Variants in CREB3L2 observed in about 807,000 individuals in gnomAD.
CREB3L2 encodes the protein cAMP responsive element binding protein 3 like 2.
A neutral mutation model predicts 57.2 loss-of-function variants in CREB3L2; 23 were observed. The ratio of observed to expected loss-of-function variants is 0.40; its 90% CI spans 0.29 to 0.57. The LOEUF (loss-of-function observed/expected upper bound fraction) is 0.57. Among genes scored for constraint, CREB3L2 ranks in the 20% least tolerant of loss-of-function variants. The probability of loss-of-function intolerance (pLI) is 0.42; values close to 1 mark genes in which losing one functional copy is unlikely to be tolerated. For missense variants in CREB3L2, 628 were observed against 634.7 expected, an observed-to-expected ratio of 0.99 and a Z score of 0.11; for synonymous variants, 268 against 265.1, an observed-to-expected ratio of 1.01 and a Z score of -0.11.
intron 2 of CREB3L2, among the ~76,000 whole-genome samples, chr7:137,918,654 T>G (rs1191434248): frequency 6.6e-6 from 1 of 151,910 alleles, no homozygotes. Context: ...CAGGAAATTG[T>G]GAGATAAGGC....
Position 137,875,233 on chromosome 7 carries a change from C to A in CREB3L2, c.*5243G>T. On this transcript the variant is annotated 3_prime_UTR_variant, in exon 12 of 12. Coordinates refer to ENST00000330387, the MANE Select transcript of CREB3L2 (RefSeq NM_194071.4). The stretch of plus-strand genomic sequence containing the variant: ...TGTTACAAAAGAGAGCAAAACCTAA[C>A]TGTCAGCATAGACATTAAAGCTCAC... 4.6e-6 allele frequency: 1 copy of A among 217,626 alleles called. No homozygotes were observed. Among genetic ancestry groups the A allele is most frequent in the Non-Finnish European group, 9.3e-6 (1 of 107,936 alleles). The allele number at this position is 217,626 out of a possible 1,614,324, so 13.5% of individuals were successfully genotyped here. A position where few individuals can be genotyped will look rare whatever the true frequency, so the allele number is the denominator to read the frequency against.
At position 137,880,513 on chromosome 7, in the gene CREB3L2, A is replaced by G. The variant is rs1420943108; in HGVS notation, c.1526T>C (p.Val509Ala). 3 of 1,613,794 alleles carry G rather than the reference A, an allele frequency of 1.9e-6. No homozygotes were observed. The Admixed American group carries it at 5.0e-5, about 27-fold the overall frequency. ...GTTCACTCTTCTGTCGAGTTCTACA[A>G]CTTTTAGTGTTTCATTCCCCTCCAG... ...AKLEGNETLK[V>A]VELDRRVNTT... Residue 509 changes from valine (V) to alanine (A), a missense_variant, in exon 12 of 12, where the codon GTT becomes GCT. Val to Ala is a moderately conservative substitution (Grantham distance 64). Coordinates refer to ENST00000330387, the MANE Select transcript of CREB3L2 (RefSeq NM_194071.4). The surrounding 1 kb of genome is among the most constrained non-coding windows in gnomAD (Gnocchi z 4.0).
chr7:137,953,566 G>A (rs1229558564), intron 1 of CREB3L2: 1 of 1,218,344 alleles, frequency 8.2e-7, no homozygotes, highest in South Asian at 1.3e-5. Flanking sequence ...GGTGGGTGAT[G>A]ACGGTCTCAG....
intron 2 of CREB3L2, among the ~76,000 whole-genome samples, chr7:137,919,818 A>G (rs940976347): frequency 1.3e-5 from 2 of 152,272 alleles, no homozygotes; most frequent in African/African-American, 2.4e-5. Flanking sequence ...ATAAAAATCT[A>G]TAACTATTAA....
chr7:137,996,610 G>A (rs994567683), intron 1 of CREB3L2, among the ~76,000 whole-genome samples: 7 of 152,194 alleles, frequency 4.6e-5, no homozygotes, highest in Non-Finnish European at 8.8e-5. Flanking sequence ...GGCCAGGCGG[G>A]AGGAACAGGA....
chr7:137,913,102 A>C, intron 3 of CREB3L2, 24 bp from the exon 4 acceptor site: 1 of 1,608,550 alleles, frequency 6.2e-7, no homozygotes, highest in Non-Finnish European at 8.5e-7. Flanking sequence ...TTCAAACACA[A>C]TTTTTAAAAA....
chr7:137,890,673 G>A (rs1455400789), intron 8 of CREB3L2, among the ~76,000 whole-genome samples: 2 of 152,226 alleles, frequency 1.3e-5, no homozygotes, highest in Admixed American at 6.5e-5. Context: ...TTTCACTGAT[G>A]ACAGATGAGG....
chr7:137,993,693 T>A (rs1430255353), intron 1 of CREB3L2, among the ~76,000 whole-genome samples: 1 of 152,138 alleles, frequency 6.6e-6, no homozygotes, highest in Non-Finnish European at 1.5e-5. Flanking sequence ...CCCAGAGTTT[T>A]AAAAATATAT....
chr7:137,957,878 T>C (rs1377087212), intron 1 of CREB3L2: 3 of 843,126 alleles, frequency 3.6e-6, no homozygotes, highest in East Asian at 6.2e-5. Flanking sequence ...TTTTGCTGTA[T>C]CACAGGGTGG....
chr7:137,969,340 C>CTTTTTTTTTTTT (rs71177936), intron 1 of CREB3L2, among the ~76,000 whole-genome samples: 2 of 77,070 alleles, frequency 2.6e-5, no homozygotes, highest in Non-Finnish European at 4.7e-5. Flanking sequence ...TTATGATCTT[C>CTTTTTTTTTTTT]TTTTTTTTTT....
rs1799133693 is a variant in CREB3L2, at chr7:137,875,696, A to G, written c.*4780T>C. ...GAAGGAATCGGCTCAGCTAGTCCAG[A>G]AATTGCTGCATTTCCCATATTACTT... On this transcript the variant is annotated 3_prime_UTR_variant, in exon 12 of 12. Transcript: ENST00000330387. The G allele has an allele frequency of 5.5e-6, 1 of 180,452 alleles. No homozygotes were observed. Among genetic ancestry groups the G allele is most frequent in the African/African-American group, 2.3e-5 (1 of 43,338 alleles). 11.2% of individuals were successfully genotyped at this position (180,452 alleles called of 1,614,324 possible).
At chr7:137,940,480 C>G (rs1477312338) in intron 1 of CREB3L2, among the ~76,000 whole-genome samples, 3 of 152,186 alleles carry the variant, frequency 2.0e-5, no homozygotes, top group Non-Finnish European at 4.4e-5. Context: ...CCTGGTCACT[C>G]TAATTTGAGA....
intron 8 of CREB3L2, among the ~76,000 whole-genome samples, chr7:137,887,975 T>TA (rs1799460011): frequency 6.6e-6 from 1 of 152,142 alleles, no homozygotes; most frequent in Admixed American, 6.5e-5. Flanking sequence ...TTCCTGGAGA[T>TA]AAAGTCTTGC....
chr7:137,975,415 G>T (rs990431237), intron 1 of CREB3L2, among the ~76,000 whole-genome samples: 1 of 152,170 alleles, frequency 6.6e-6, no homozygotes, highest in African/African-American at 2.4e-5. Context: ...CTCCCAGGCG[G>T]GCTGACACAC....
chr7:137,914,524 T>C (rs1374461342), intron 3 of CREB3L2, among the ~76,000 whole-genome samples: 1 of 152,022 alleles, frequency 6.6e-6, no homozygotes, highest in African/African-American at 2.4e-5. Context: ...CCCAGCTACC[T>C]GGGAGGCTGA....
intron 1 of CREB3L2, among the ~76,000 whole-genome samples, chr7:137,972,712 A>AAAAAAAAC (rs1563270135): frequency 2.9e-5 from 1 of 34,118 alleles, no homozygotes; most frequent in Non-Finnish European, 4.8e-5. Flanking sequence ...AAAAAAAAAA[A>AAAAAAAAC]ATATATATAT....
chr7:137,950,508 T>C (rs1037581533), intron 1 of CREB3L2, among the ~76,000 whole-genome samples: 1 of 152,188 alleles, frequency 6.6e-6, no homozygotes, highest in Non-Finnish European at 1.5e-5. Context: ...GGGCTGTTTC[T>C]CCTCTACCCC....
At chr7:137,969,055 T>C (rs1300841833) in intron 1 of CREB3L2, among the ~76,000 whole-genome samples, 3 of 152,122 alleles carry the variant, frequency 2.0e-5, no homozygotes, top group Non-Finnish European at 4.4e-5. Flanking sequence ...GAGGACACTG[T>C]GGGGCTGCTT....
intron 1 of CREB3L2, among the ~76,000 whole-genome samples, chr7:137,939,857 C>A (rs1800852303): frequency 6.6e-6 from 1 of 152,186 alleles, no homozygotes; most frequent in Non-Finnish European, 1.5e-5. Context: ...GGCTTTTTGC[C>A]TGATCTATCC....
Sources: allele counts gnomAD v4.1 joint callset (sites outside exome capture counted in the v4.1 genomes callset), GRCh38; gene constraint gnomAD v4.1.1; non-coding constraint Gnocchi (gnomAD v3.1); transcripts MANE v1.5; gene names NCBI Gene and HGNC (gene_info 2026-07-23, HGNC 2026-07-21).